The following WIPI2 variants were observed in gnomAD, a reference collection of about 807,000 sequenced individuals.
WIPI2 encodes the protein WD repeat domain phosphoinositide-interacting protein 2.
In WIPI2, 28 loss-of-function variants were observed where a neutral mutation model predicts 52.3. The observed-to-expected ratio is 0.54, with a 90% confidence interval of 0.40 to 0.73. WIPI2 has a LOEUF of 0.73. WIPI2 is among the 30% of genes least tolerant of loss of function. The probability of loss-of-function intolerance (pLI) is 0.00; values close to 1 mark genes in which losing one functional copy is unlikely to be tolerated. For synonymous variants in WIPI2, 268 were observed against 245.0 expected (o/e 1.09, Z -0.88); for missense variants, 506 against 602.9 (o/e 0.84, Z 1.68).
intron 3 of WIPI2, among the ~76,000 whole-genome samples, chr7:5,204,418 G>A (rs1782192828): frequency 6.6e-6 from 1 of 152,198 alleles, no homozygotes; most frequent in Non-Finnish European, 1.5e-5. Context: ...AGTGAGTCAA[G>A]ATTGTGCCAC....
chr7:5,206,927 A>G (rs978323557), intron 3 of WIPI2, among the ~76,000 whole-genome samples: 1 of 152,094 alleles, frequency 6.6e-6, no homozygotes, highest in Admixed American at 6.6e-5. Flanking sequence ...ACAGGAGTGC[A>G]CCGCCATGCT....
chr7:5,233,765 A>T lies in WIPI2; in HGVS notation c.*2818A>T, dbSNP rs1032147648. 3 of 152,216 alleles carry T rather than the reference A, an allele frequency of 2.0e-5. No individual in the cohort carries two copies. The highest frequency in any genetic ancestry group is 7.2e-5 in the African/African-American group (3 of 41,448). The allele number at this position is 152,216 out of a possible 1,614,324, so 9.4% of individuals were successfully genotyped here. On this transcript the variant is annotated 3_prime_UTR_variant, in exon 13 of 13. Coordinates refer to ENST00000288828, the MANE Select transcript of WIPI2 (RefSeq NM_015610.4). Reference sequence around the variant, plus strand: ...GTGTTGTGTGACTGCGTGTCCTGCAAACGCCCAGCTCGGTGCCCAGCCAGC... The same window carrying T: ...GTGTTGTGTGACTGCGTGTCCTGCATACGCCCAGCTCGGTGCCCAGCCAGC...
chr7:5,195,067 G>C (rs891823859), intron 2 of WIPI2, among the ~76,000 whole-genome samples: 7 of 152,184 alleles, frequency 4.6e-5, no homozygotes, highest in Admixed American at 3.9e-4. Flanking sequence ...GGGGAGGGTA[G>C]AGCAGGGTCT....
rs1781411858 is a variant in WIPI2 at position 5,190,364 on chromosome 7, A to T, written c.-56A>T. ...CGGCGCCGACCCTGAGTGCAGCCTGACCCGCCCTCGCGCGCGCGCCCTCCC... is the reference window on the plus strand; with the variant it reads ...CGGCGCCGACCCTGAGTGCAGCCTGTCCCGCCCTCGCGCGCGCGCCCTCCC... On this transcript the variant is annotated 5_prime_UTR_variant, in exon 1 of 13. Transcript: ENST00000288828. 1 of 1,232,868 alleles carries T rather than the reference A, an allele frequency of 8.1e-7. No individual in the cohort carries two copies. Among genetic ancestry groups the T allele is most frequent in the Non-Finnish European group, 1.0e-6 (1 of 972,392 alleles). The allele number at this position is 1,232,868 out of a possible 1,614,324, so 76.4% of individuals were successfully genotyped here. A position where few individuals can be genotyped will look rare whatever the true frequency, so the allele number is the denominator to read the frequency against.
At chr7:5,219,638 T>TA (rs1177954225) in intron 7 of WIPI2, among the ~76,000 whole-genome samples, 3 of 152,218 alleles carry the variant, frequency 2.0e-5, no homozygotes, top group African/African-American at 4.8e-5. Context: ...AAACAACTCT[T>TA]AATTAATTAG....
intron 2 of WIPI2, among the ~76,000 whole-genome samples, chr7:5,197,131 A>AAC (rs1781790734): frequency 6.7e-6 from 1 of 148,468 alleles, no homozygotes; most frequent in African/African-American, 2.5e-5. Flanking sequence ...AAAAAAAAAA[A>AAC]AAAAAAAAAA....
chr7:5,224,519 T>C lies in WIPI2; in HGVS notation c.741-1304T>C, dbSNP rs752462201. Among the ~76,000 whole-genome samples the C allele has an allele frequency of 2.5e-4, 38 of 152,228 alleles. 1 individual carries two copies. The highest frequency in any genetic ancestry group is 4.1e-4 in the Non-Finnish European group (28 of 68,046). On this transcript the variant is annotated intron_variant, in intron 8 of 12. Coordinates refer to ENST00000288828, the MANE Select transcript of WIPI2 (RefSeq NM_015610.4). ...CTGGCCATGCGGGAGGCTGGAGTTTTACTACTACTCAAATCAGTCTGTCTG... is the reference window on the plus strand; with the variant it reads ...CTGGCCATGCGGGAGGCTGGAGTTTCACTACTACTCAAATCAGTCTGTCTG...
At chr7:5,201,518 C>T (rs1182000785) in intron 3 of WIPI2, among the ~76,000 whole-genome samples, 1 of 152,144 alleles carries the variant, frequency 6.6e-6, no homozygotes, top group Non-Finnish European at 1.5e-5. Flanking sequence ...CCAGGACAGG[C>T]AGATCACATG....
At chr7:5,220,699 C>T (rs940984582) in intron 7 of WIPI2, among the ~76,000 whole-genome samples, 1 of 151,958 alleles carries the variant, frequency 6.6e-6, no homozygotes, top group African/African-American at 2.4e-5. Context: ...TGGTCTTGAA[C>T]TCCTGGACTC....
At chr7:5,220,701 C>T (rs886741874) in intron 7 of WIPI2, among the ~76,000 whole-genome samples, 6 of 152,052 alleles carry the variant, frequency 3.9e-5, no homozygotes, top group Non-Finnish European at 7.4e-5. Flanking sequence ...GTCTTGAACT[C>T]CTGGACTCTA....
chr7:5,221,545 A>G (rs965413281), intron 7 of WIPI2, among the ~76,000 whole-genome samples: 1 of 152,160 alleles, frequency 6.6e-6, no homozygotes, highest in Non-Finnish European at 1.5e-5. Flanking sequence ...TAATACCGTT[A>G]TATCACTTGA....
intron 3 of WIPI2, among the ~76,000 whole-genome samples, chr7:5,200,436 C>A (rs80212283): frequency 6.6e-6 from 1 of 152,196 alleles, no homozygotes; most frequent in Non-Finnish European, 1.5e-5. Context: ...CCCAGTGTAA[C>A]ATCTCGCAAA....
At chr7:5,226,846 T>G (rs4989916) in intron 9 of WIPI2, 46,651 of 186,666 alleles carry the variant, frequency 0.25, 6,377 homozygotes, top group Admixed American at 0.43. Context: ...TGGAGACTTC[T>G]ATTACAGAGA....
chr7:5,214,362 A>G (rs1356387328), intron 3 of WIPI2, 173 bp from the exon 4 acceptor site: 4 of 1,590,998 alleles, frequency 2.5e-6, no homozygotes, highest in East Asian at 2.2e-5. Flanking sequence ...CCAGCGAATC[A>G]AGACCCTCAG....
At chr7:5,217,300 T>A in intron 6 of WIPI2, 113 bp downstream of exon 6, 2 of 1,102,788 alleles carry the variant, frequency 1.8e-6, no homozygotes, top group Non-Finnish European at 2.7e-6. Context: ...CCGCTGCACT[T>A]TTTTGTTTGT....
At chr7:5,192,550 C>T (rs1186227708) in intron 1 of WIPI2, among the ~76,000 whole-genome samples, 1 of 152,214 alleles carries the variant, frequency 6.6e-6, no homozygotes, top group Admixed American at 6.5e-5. Flanking sequence ...CACTTACCCA[C>T]TTCTCCATGC....
At chr7:5,209,322 G>A (rs369635061) in intron 3 of WIPI2, among the ~76,000 whole-genome samples, 2 of 152,064 alleles carry the variant, frequency 1.3e-5, no homozygotes, top group East Asian at 1.9e-4. Context: ...GTAAGACCTC[G>A]AGCACAAAGT....
chr7:5,218,961 C>G (rs1782956651), intron 7 of WIPI2: 1 of 152,278 alleles, frequency 6.6e-6, no homozygotes, highest in East Asian at 1.9e-4. Flanking sequence ...AATAGCCTCC[C>G]CTTTCAAGCC....
chr7:5,232,153 T>C lies in WIPI2; in HGVS notation c.*1206T>C. The stretch of plus-strand genomic sequence containing the variant: ...TAAGTGGCATTAATGGCAGGAGAGA[T>C]GGTTTTAGAATCTATGGAGTGGTGG... On this transcript the variant is annotated 3_prime_UTR_variant, in exon 13 of 13. Transcript: ENST00000288828. 1 of 398,788 alleles carries C rather than the reference T, an allele frequency of 2.5e-6. No individual in the cohort carries two copies. The allele number at this position is 398,788 out of a possible 1,614,324, so 24.7% of individuals were successfully genotyped here.
Sources: gnomAD v4.1 joint callset for allele counts (sites outside exome capture counted in the v4.1 genomes callset) on GRCh38, gnomAD v4.1.1 for gene constraint, MANE v1.5 for transcripts, NCBI Gene and HGNC (gene_info 2026-07-23, HGNC 2026-07-21) for gene names.